The following MSI2 variants were observed in gnomAD, a reference collection of about 807,000 sequenced individuals.
MSI2 encodes the protein musashi RNA binding protein 2, also known as RNA-binding protein Musashi homolog 2.
Under a neutral mutation model 45.6 loss-of-function variants are expected in MSI2, and 17 were observed. The observed-to-expected ratio is 0.37, with a 90% CI of 0.26 to 0.56. The LOEUF is 0.56. Ranked by LOEUF, MSI2 falls within the 20% of genes least tolerant of loss-of-function variation. The pLI is 0.77. For missense variants in MSI2, 293 were observed against 444.2 expected, an observed-to-expected ratio of 0.66 and a Z score of 3.06; for synonymous variants, 156 against 158.2, an observed-to-expected ratio of 0.99 and a Z score of 0.11.
intron 7 of MSI2, among the ~76,000 whole-genome samples, chr17:57,547,127 G>A (rs1296349661): frequency 6.6e-6 from 1 of 152,214 alleles, no homozygotes; most frequent in East Asian, 1.9e-4. Flanking sequence ...GCAGATAACA[G>A]CAAGTGTGCA....
chr17:57,692,810 G>GT, the MSI2 span, among the ~76,000 whole-genome samples: 18 of 149,494 alleles, frequency 1.2e-4, no homozygotes, highest in Middle Eastern at 6.9e-3. Context: ...ATCTACTGTT[G>GT]TTTTTTTCTT....
At chr17:57,357,429 C>A (rs1916510928) in intron 5 of MSI2, among the ~76,000 whole-genome samples, 1 of 152,126 alleles carries the variant, frequency 6.6e-6, no homozygotes, top group African/African-American at 2.4e-5. Context: ...GAGCTGGATC[C>A]AGCCACTTGA....
chr17:57,585,770 G>A (rs2088329337), intron 7 of MSI2, among the ~76,000 whole-genome samples: 1 of 152,256 alleles, frequency 6.6e-6, no homozygotes, highest in Non-Finnish European at 1.5e-5. Flanking sequence ...AGAAAGCCCT[G>A]AGTTGAGAAT....
chr17:57,674,612 C>T (rs1023148503), intron 11 of MSI2, among the ~76,000 whole-genome samples: 4 of 152,118 alleles, frequency 2.6e-5, no homozygotes, highest in African/African-American at 9.7e-5. Flanking sequence ...AACTCTCTCT[C>T]TCTCTCTCTC....
rs375221163 is a variant in MSI2 at position 57,303,580 on chromosome 17, T to A, written c.312+41388T>A. 1.3e-3 allele frequency among the ~76,000 whole-genome samples: 199 copies of A among 152,336 alleles called. 2 individuals carry two copies. The highest frequency in any genetic ancestry group is 4.4e-3 in the African/African-American group (181 of 41,588). On this transcript the variant is annotated intron_variant, in intron 5 of 13. Transcript: ENST00000284073. ...TTGTGTGGTGGGATAGTGGGTGTTTTAAAAATTATTGTATTATTATTATTG... is the reference window on the plus strand; with the variant it reads ...TTGTGTGGTGGGATAGTGGGTGTTTAAAAAATTATTGTATTATTATTATTG...
At chr17:57,432,430 G>A (rs1215268836) in intron 6 of MSI2, among the ~76,000 whole-genome samples, 1 of 152,194 alleles carries the variant, frequency 6.6e-6, no homozygotes. Flanking sequence ...TTGGGGTTGG[G>A]TTTTTAGGTG....
intron 6 of MSI2, among the ~76,000 whole-genome samples, chr17:57,436,885 C>G (rs941326694): frequency 1.3e-5 from 2 of 152,108 alleles, no homozygotes; most frequent in Non-Finnish European, 2.9e-5. Flanking sequence ...AACATTTTCC[C>G]CACCCTTCCT....
intron 5 of MSI2, among the ~76,000 whole-genome samples, chr17:57,330,916 T>G (rs972110506): frequency 6.6e-6 from 1 of 151,370 alleles, no homozygotes; most frequent in Non-Finnish European, 1.5e-5. Flanking sequence ...TATTCTTTTT[T>G]TTTGTGTGTG....
chr17:57,258,456 G>C lies in MSI2; in HGVS notation c.270+102G>C. ...AGTGCCTTCTTTTGCTTCTGTGCTAGAACTGGGTAGTTTTAAACTGAGCTA... is the reference window on the plus strand; with the variant it reads ...AGTGCCTTCTTTTGCTTCTGTGCTACAACTGGGTAGTTTTAAACTGAGCTA... On this transcript the variant is annotated intron_variant, in intron 4 of 13. Transcript: ENST00000284073. 3 of 999,490 alleles carry C rather than the reference G, an allele frequency of 3.0e-6. No individual in the cohort carries two copies. The South Asian group carries it at 3.9e-5, about 13-fold the overall frequency. 61.9% of individuals were successfully genotyped at this position (999,490 alleles called of 1,614,324 possible).
intron 6 of MSI2, among the ~76,000 whole-genome samples, chr17:57,508,775 G>A (rs1406107914): frequency 6.6e-6 from 1 of 152,198 alleles, no homozygotes; most frequent in Non-Finnish European, 1.5e-5. Flanking sequence ...GGGAGATGTA[G>A]GGCACCTGCT....
intron 6 of MSI2, among the ~76,000 whole-genome samples, chr17:57,511,659 A>G (rs1037284212): frequency 3.3e-5 from 5 of 152,144 alleles, no homozygotes; most frequent in African/African-American, 1.2e-4. Context: ...GTCACCGTGC[A>G]CAGCAGGGTT....
At position 57,677,094 on chromosome 17, in the gene MSI2, C is replaced by T. The variant is rs1022478890; in HGVS notation, c.*31+35C>T. ...TCTCTGCCATGTGTCTCTGCCCTGC[C>T]GGTGTGTCCGTACATGTATGTCCAC... On this transcript the variant is annotated intron_variant, in intron 13 of 13. Transcript: ENST00000284073. 7 of 1,456,238 alleles carry T rather than the reference C, an allele frequency of 4.8e-6. No homozygotes were observed. The African/African-American group carries it at 8.4e-5, about 17-fold the overall frequency. 90.2% of individuals were successfully genotyped at this position (1,456,238 alleles called of 1,614,324 possible). A position where few individuals can be genotyped will look rare whatever the true frequency, so the allele number is the denominator to read the frequency against.
chr17:57,698,499 A>G, the MSI2 span, among the ~76,000 whole-genome samples: 1 of 152,162 alleles, frequency 6.6e-6, no homozygotes, highest in African/African-American at 2.4e-5. Context: ...TCATCTGATA[A>G]CATGACCCCA....
intron 9 of MSI2, 103 bp downstream of exon 9, chr17:57,616,187 C>G (rs1907672915): frequency 1.3e-6 from 1 of 776,750 alleles, no homozygotes; most frequent in Non-Finnish European, 2.2e-6. Context: ...CTTCACCTTT[C>G]TAAGCCTCAG....
chr17:57,656,941 C>T (rs991934717), intron 11 of MSI2, among the ~76,000 whole-genome samples: 4 of 152,152 alleles, frequency 2.6e-5, no homozygotes, highest in African/African-American at 4.8e-5. Flanking sequence ...CTACTCTTTA[C>T]GTGTTGATGC....
At chr17:57,674,699 G>A (rs971719040) in intron 11 of MSI2, among the ~76,000 whole-genome samples, 2 of 152,112 alleles carry the variant, frequency 1.3e-5, no homozygotes, top group African/African-American at 4.8e-5. Flanking sequence ...GCCGTAGTGT[G>A]TTGAATGATT....
At chr17:57,522,578 C>G (rs1452482862) in intron 6 of MSI2, 1 of 152,230 alleles carries the variant, frequency 6.6e-6, no homozygotes, top group Non-Finnish European at 1.5e-5. Context: ...GTCAATGCTT[C>G]CAGAGCATCG....
chr17:57,620,601 G>A (rs78002356), intron 9 of MSI2, among the ~76,000 whole-genome samples: 4,196 of 152,262 alleles, frequency 0.028, 79 homozygotes, highest in Non-Finnish European at 0.036. Flanking sequence ...CTAGACTCAC[G>A]AATGTGACCT....
intron 6 of MSI2, among the ~76,000 whole-genome samples, chr17:57,457,241 C>T (rs556845615): frequency 1.3e-5 from 2 of 152,306 alleles, no homozygotes; most frequent in Non-Finnish European, 2.9e-5. Context: ...ACCAAATTCC[C>T]CATTTCTCTG....
Sources: allele counts gnomAD v4.1 joint callset (sites outside exome capture counted in the v4.1 genomes callset), GRCh38; gene constraint gnomAD v4.1.1; transcripts MANE v1.5; gene names NCBI Gene and HGNC (gene_info 2026-07-23, HGNC 2026-07-21).